Variants in DNAH6 observed in about 807,000 individuals in gnomAD.
DNAH6 encodes dynein axonemal heavy chain 6.
DNAH6 carries 340 observed loss-of-function variants against 491.4 expected under a neutral mutation model. The observed-to-expected ratio is 0.69, with a 90% CI of 0.63 to 0.76. The LOEUF (loss-of-function observed/expected upper bound fraction) is 0.76, where lower values mean the gene tolerates loss of function less well. DNAH6 is among the 30% of genes least tolerant of loss of function. The probability of loss-of-function intolerance (pLI) is 0.00; values close to 1 mark genes in which losing one functional copy is unlikely to be tolerated. For synonymous variants in DNAH6, 1,603 were observed against 1,686.1 expected (o/e 0.95, Z 1.21); for missense variants, 4,443 against 4,972.2 (o/e 0.89, Z 3.20).
chr2:84,600,887 C>A (rs1183607031), intron 18 of DNAH6, among the ~76,000 whole-genome samples: 9 of 150,676 alleles, frequency 6.0e-5, no homozygotes, highest in Non-Finnish European at 1.2e-4. Flanking sequence ...AGCATTGACA[C>A]CCCAGTAGCA....
At chr2:84,707,933 C>T (rs1696638828) in intron 54 of DNAH6, among the ~76,000 whole-genome samples, 1 of 152,162 alleles carries the variant, frequency 6.6e-6, no homozygotes, top group African/African-American at 2.4e-5. Flanking sequence ...CTTCTCCTGT[C>T]TTAGAAAGCT....
intron 24 of DNAH6, 28 bp downstream of exon 24, chr2:84,619,932 A>G (rs1308215041): frequency 6.6e-7 from 1 of 1,523,016 alleles, no homozygotes; most frequent in Non-Finnish European, 8.9e-7. Flanking sequence ...ATATTTCTTT[A>G]TTGATGAACT....
chr2:84,656,565 G>T (rs1690991023), intron 35 of DNAH6, among the ~76,000 whole-genome samples: 1 of 151,992 alleles, frequency 6.6e-6, no homozygotes, highest in South Asian at 2.1e-4. Flanking sequence ...ATGTTTGTTT[G>T]CTATCTATGT....
rs1692819396 is a variant in DNAH6, at chr2:84,672,379, C to G, written c.6507C>G (p.Pro2169=). ...TTTTTGTTGATGATTTAAACATGCC[C>G]AGACTGGATCGCTATGGCTCTCAGC... is the stretch of plus-strand genomic sequence containing the variant. ...IVIFVDDLNM[P]RLDRYGSQPP... The change falls in exon 40 of 77, where the codon CCC becomes CCG. Residue 2169 remains proline, a synonymous_variant. Transcript: ENST00000389394. 1.3e-6 allele frequency: 2 copies of G among 1,551,518 alleles called. No individual in the cohort carries two copies. Among genetic ancestry groups the G allele is most frequent in the African/African-American group, 2.7e-5 (2 of 73,020 alleles).
chr2:84,697,094 T>C (rs1253732268), intron 46 of DNAH6, among the ~76,000 whole-genome samples: 2 of 152,216 alleles, frequency 1.3e-5, no homozygotes, highest in African/African-American at 2.4e-5. Context: ...ATTTAATTGG[T>C]AATCTCACTC....
chr2:84,757,740 G>A (rs941056122), intron 63 of DNAH6, among the ~76,000 whole-genome samples: 4 of 152,208 alleles, frequency 2.6e-5, no homozygotes, highest in African/African-American at 9.6e-5. Flanking sequence ...CAATGATTGT[G>A]AGATACAACC....
chr2:84,530,399 G>A (rs1433620845), intron 4 of DNAH6, among the ~76,000 whole-genome samples: 1 of 152,090 alleles, frequency 6.6e-6, no homozygotes, highest in African/African-American at 2.4e-5. Context: ...AGCATTCCAG[G>A]CAGCAGGAAA....
intron 11 of DNAH6, among the ~76,000 whole-genome samples, chr2:84,563,864 A>T (rs1680910660): frequency 6.6e-6 from 1 of 152,110 alleles, no homozygotes; most frequent in Non-Finnish European, 1.5e-5. Context: ...TCTTGAGTTA[A>T]TTTTTGTATA....
At chr2:84,548,178 C>T in intron 7 of DNAH6, 110 bp from the exon 8 acceptor site, 11 of 1,238,530 alleles carry the variant, frequency 8.9e-6, no homozygotes, top group East Asian at 5.2e-5. Flanking sequence ...CTTCGTGTAC[C>T]AAAATATTTT....
At chr2:84,719,093 G>T (rs1361539393) in intron 59 of DNAH6, among the ~76,000 whole-genome samples, 1 of 152,064 alleles carries the variant, frequency 6.6e-6, no homozygotes, top group Non-Finnish European at 1.5e-5. Context: ...AAATCCCCTT[G>T]ACTTTATTAA....
At chr2:84,639,216 C>T (rs1689154515) in intron 31 of DNAH6, among the ~76,000 whole-genome samples, 1 of 152,032 alleles carries the variant, frequency 6.6e-6, no homozygotes, top group South Asian at 2.1e-4. Context: ...CAAACAGGGA[C>T]AATAAATGAC....
intron 33 of DNAH6, among the ~76,000 whole-genome samples, chr2:84,651,950 A>C (rs1690489876): frequency 6.7e-6 from 1 of 148,812 alleles, no homozygotes; most frequent in Admixed American, 6.6e-5. Flanking sequence ...TATATGCATG[A>C]GTCTTTTTTT....
At position 84,654,653 on chromosome 2, in the gene DNAH6, A is replaced by G; in HGVS notation, c.5635-7A>G. 1 of 1,550,524 alleles carries G rather than the reference A, an allele frequency of 6.4e-7. No homozygotes were observed. The highest frequency in any genetic ancestry group is 8.7e-7 in the Non-Finnish European group (1 of 1,146,154). On this transcript the variant is annotated splice_polypyrimidine_tract_variant and splice_region_variant and intron_variant, in intron 34 of 76. Transcript: ENST00000389394. ...GCTGTTTCCTGTTCAATTTTCTTCA[A>G]CTTTAGGTGCAAGATCTGCGGGTTG...
Position 84,525,634 on chromosome 2 carries a change from A to T in DNAH6, c.295A>T (p.Met99Leu). The stretch of plus-strand genomic sequence containing the variant: ...ACATGAACAGAACCGATTTCAGTTA[A>T]TGACTGCAGGAATCATTAAACGTCC... ...YIHEQNRFQLMTAGIIKRPVS... is the reference protein window; with the variant it reads ...YIHEQNRFQLLTAGIIKRPVS... Residue 99 changes from methionine (M) to leucine (L), a missense_variant, in exon 3 of 77, where the codon ATG becomes TTG. This residue lies in a region of DNAH6 where 2,977 missense variants were observed against 3,296.6 expected (regional missense o/e 0.90). Transcript: ENST00000389394. 2 of 1,550,706 alleles carry T rather than the reference A, an allele frequency of 1.3e-6. No individual in the cohort carries two copies. The highest frequency in any genetic ancestry group is 2.4e-5 in the East Asian group (1 of 40,844).
At chr2:84,807,916 G>A (rs776510045) in intron 71 of DNAH6, among the ~76,000 whole-genome samples, 2 of 151,980 alleles carry the variant, frequency 1.3e-5, no homozygotes, top group Non-Finnish European at 2.9e-5. Flanking sequence ...AAATAAGCAG[G>A]CTTCTCCTTC....
intron 3 of DNAH6, among the ~76,000 whole-genome samples, chr2:84,527,222 G>A (rs1316737929): frequency 6.6e-6 from 1 of 152,124 alleles, no homozygotes; most frequent in African/African-American, 2.4e-5. Flanking sequence ...TATCGAATCA[G>A]ACGGGGCATC....
At chr2:84,489,486 T>G in the DNAH6 span, among the ~76,000 whole-genome samples, 1 of 152,176 alleles carries the variant, frequency 6.6e-6, no homozygotes, top group Admixed American at 6.5e-5. Context: ...GATCCTTGCT[T>G]GGACAAGTTC....
At position 84,670,486 on chromosome 2, in the gene DNAH6, T is replaced by C. The variant is rs7567979; in HGVS notation, c.6454+11T>C. On this transcript the variant is annotated intron_variant, in intron 39 of 76. Transcript: ENST00000389394. ...GAAAAAATATTCTAGGTAAGAATCATTATTTTAGTTTGTCCCACACAAATT... is the reference window on the plus strand; with the variant it reads ...GAAAAAATATTCTAGGTAAGAATCACTATTTTAGTTTGTCCCACACAAATT... The C allele has an allele frequency of 2.3e-3, 3,348 of 1,479,878 alleles. 64 individuals carry two copies. The African/African-American group carries it at 0.043, about 19-fold the overall frequency. 91.7% of individuals were successfully genotyped at this position (1,479,878 alleles called of 1,614,324 possible). A position where few individuals can be genotyped will look rare whatever the true frequency, so the allele number is the denominator to read the frequency against.
chr2:84,744,939 A>G (rs1672825259), intron 62 of DNAH6, 141 bp from the exon 63 acceptor site: 1 of 464,476 alleles, frequency 2.2e-6, no homozygotes, highest in East Asian at 3.5e-5. Flanking sequence ...GTTGGGTAGC[A>G]GGGGAGACTG....
Sources: gnomAD v4.1 joint callset for allele counts (sites outside exome capture counted in the v4.1 genomes callset) on GRCh38, gnomAD v4.1.1 for gene constraint, gnomAD v4.1.1 regional missense constraint, MANE v1.5 for transcripts, NCBI Gene and HGNC (gene_info 2026-07-23, HGNC 2026-07-21) for gene names.